The following BTG3 variants were observed in gnomAD, a reference collection of about 807,000 sequenced individuals.
The protein encoded by BTG3 is BTG anti-proliferation factor 3.
BTG3 carries 4 observed loss-of-function variants against 25.8 expected under a neutral mutation model. That is an observed-to-expected ratio of 0.16 (90% CI 0.08 to 0.36). The LOEUF is 0.36. Ranked by LOEUF, BTG3 falls within the 10% of genes least tolerant of loss-of-function variation. The pLI, the probability that BTG3 is intolerant of heterozygous loss-of-function variation, is 1.00. For synonymous variants in BTG3, 107 were observed against 99.9 expected, an observed-to-expected ratio of 1.07 and a Z score of -0.42; for missense variants, 201 against 304.9, an observed-to-expected ratio of 0.66 and a Z score of 2.54.
chr21:17,605,119 A>C, intron 2 of BTG3, 122 bp from the exon 3 acceptor site: 1 of 1,113,950 alleles, frequency 9.0e-7, no homozygotes, highest in Non-Finnish European at 1.2e-6. Flanking sequence ...CTGGTAGAGA[A>C]CCTAGGAGCA....
intron 1 of BTG3, 192 bp downstream of exon 1, chr21:17,612,507 C>A (rs7280201): frequency 1.3e-5 from 2 of 150,392 alleles, no homozygotes; most frequent in African/African-American, 5.0e-5. Context: ...GCGGGCCGCC[C>A]TCGCGGCCCG....
chr21:17,609,169 T>A lies in BTG3; in HGVS notation c.-8-17A>T. The A allele has an allele frequency of 6.3e-7, 1 of 1,596,336 alleles. No individual in the cohort carries two copies. The highest frequency in any genetic ancestry group is 8.5e-7 in the Non-Finnish European group (1 of 1,175,014). ...TTTTTTTCCCTGCAAAGATAAAACA[T>A]GTTTTCTCAGAAAAACAAAATATAA... On this transcript the variant is annotated splice_polypyrimidine_tract_variant and intron_variant, in intron 1 of 4. Coordinates refer to ENST00000348354, the MANE Select transcript of BTG3 (RefSeq NM_006806.5).
intron 2 of BTG3, 129 bp from the exon 3 acceptor site, chr21:17,605,126 A>G (rs2061622191): frequency 9.4e-7 from 1 of 1,059,888 alleles, no homozygotes; most frequent in Non-Finnish European, 1.3e-6. Flanking sequence ...AGAACCTAGG[A>G]GCATATCTAT....
intron 1 of BTG3, among the ~76,000 whole-genome samples, chr21:17,609,639 C>A (rs947990253): frequency 6.6e-6 from 1 of 152,238 alleles, no homozygotes; most frequent in Non-Finnish European, 1.5e-5. Context: ...ACAGAGTTAT[C>A]ATATGACACG....
chr21:17,600,088 AT>A (rs765773621), intron 3 of BTG3, among the ~76,000 whole-genome samples: 10 of 152,104 alleles, frequency 6.6e-5, no homozygotes, highest in Non-Finnish European at 1.5e-4. Flanking sequence ...ATTTTTGAAG[AT>A]TTTTGATTTT....
intron 3 of BTG3, among the ~76,000 whole-genome samples, chr21:17,600,530 T>C (rs2061558644): frequency 6.6e-6 from 1 of 152,038 alleles, no homozygotes; most frequent in Non-Finnish European, 1.5e-5. Flanking sequence ...CCTTTGAAAA[T>C]GTACATGAGG....
At chr21:17,600,278 T>C (rs963173622) in intron 3 of BTG3, among the ~76,000 whole-genome samples, 10 of 152,072 alleles carry the variant, frequency 6.6e-5, no homozygotes, top group African/African-American at 2.4e-4. Flanking sequence ...AAACAATTTC[T>C]AGCATCAGGA....
intron 3 of BTG3, among the ~76,000 whole-genome samples, chr21:17,603,897 A>G (rs1015423585): frequency 1.3e-5 from 2 of 152,222 alleles, no homozygotes; most frequent in African/African-American, 4.8e-5. Context: ...CATAAATCAG[A>G]TAACAATGTA....
chr21:17,600,638 T>C (rs1412926356), intron 3 of BTG3, among the ~76,000 whole-genome samples: 2 of 151,890 alleles, frequency 1.3e-5, no homozygotes, highest in Non-Finnish European at 2.9e-5. Flanking sequence ...CTGGGTAACA[T>C]GGTGAGACCC....
At chr21:17,605,713 G>A (rs1481210743) in intron 2 of BTG3, among the ~76,000 whole-genome samples, 1 of 151,910 alleles carries the variant, frequency 6.6e-6, no homozygotes, top group African/African-American at 2.4e-5. Flanking sequence ...TCTACCTAAT[G>A]GAATGTTTAA....
chr21:17,596,125 T>A (rs572843386), intron 4 of BTG3, among the ~76,000 whole-genome samples: 2 of 152,024 alleles, frequency 1.3e-5, no homozygotes, highest in Non-Finnish European at 2.9e-5. Context: ...TTATTTTTCA[T>A]TGAATCATTT....
chr21:17,604,551 C>T (rs980278069), intron 3 of BTG3, among the ~76,000 whole-genome samples: 1 of 152,144 alleles, frequency 6.6e-6, no homozygotes, highest in African/African-American at 2.4e-5. Context: ...CAGACAAGTG[C>T]ACCACCAATT....
intron 3 of BTG3, 50 bp from the exon 4 acceptor site, chr21:17,598,874 CA>C: frequency 6.9e-7 from 1 of 1,440,958 alleles, no homozygotes; most frequent in African/African-American, 1.4e-5. Flanking sequence ...ATCAGCAAAG[CA>C]AAAAATGTCC....
chr21:17,598,290 G>A (rs2061529661), intron 4 of BTG3, among the ~76,000 whole-genome samples: 1 of 152,042 alleles, frequency 6.6e-6, no homozygotes, highest in South Asian at 2.1e-4. Context: ...AAAACAAAGT[G>A]TTACATACTA....
At chr21:17,611,752 C>T (rs1326080986) in intron 1 of BTG3, 2 of 152,240 alleles carry the variant, frequency 1.3e-5, no homozygotes, top group African/African-American at 4.8e-5. Flanking sequence ...CTACTTTGTT[C>T]CACAAGGCTC....
intron 4 of BTG3, among the ~76,000 whole-genome samples, chr21:17,595,654 T>G (rs1038432263): frequency 6.6e-6 from 1 of 152,100 alleles, no homozygotes; most frequent in African/African-American, 2.4e-5. Context: ...CTCCTAGTAA[T>G]GGGACATTGA....
intron 3 of BTG3, chr21:17,604,038 A>G: frequency 1.1e-6 from 1 of 950,206 alleles, no homozygotes; most frequent in Non-Finnish European, 1.3e-6. Flanking sequence ...GGAGTTCAAA[A>G]AGATTTCATA....
intron 4 of BTG3, among the ~76,000 whole-genome samples, chr21:17,596,084 C>CT (rs35779493): frequency 6.6e-6 from 1 of 151,892 alleles, no homozygotes; most frequent in African/African-American, 2.4e-5. Flanking sequence ...TCCTCCTGCC[C>CT]TTTTTTTGAG....
chr21:17,605,830 G>A (rs2061632573), intron 2 of BTG3, among the ~76,000 whole-genome samples: 1 of 152,188 alleles, frequency 6.6e-6, no homozygotes, highest in South Asian at 2.1e-4. Context: ...AATCAATCAA[G>A]AGAACTTGGA....
Sources: allele counts gnomAD v4.1 joint callset (sites outside exome capture counted in the v4.1 genomes callset), GRCh38; gene constraint gnomAD v4.1.1; transcripts MANE v1.5; gene names NCBI Gene and HGNC (gene_info 2026-07-23, HGNC 2026-07-21).